Variants in PRR7 observed in about 807,000 individuals in gnomAD.
PRR7 encodes proline-rich protein 7.
In PRR7, 8 loss-of-function variants were observed where a neutral mutation model predicts 18.5. That is an observed-to-expected ratio of 0.43 (90% CI 0.25 to 0.78). The LOEUF (loss-of-function observed/expected upper bound fraction) is 0.78, where lower values mean the gene tolerates loss of function less well. Ranked by LOEUF, PRR7 falls within the 30% of genes least tolerant of loss-of-function variation. PRR7 has a pLI of 0.22. For missense variants in PRR7, 396 were observed against 403.1 expected, an observed-to-expected ratio of 0.98 and a Z score of 0.15; for synonymous variants, 221 against 187.7, an observed-to-expected ratio of 1.18 and a Z score of -1.45.
rs751070358 is a variant in PRR7 at position 177,455,778 on chromosome 5, A to AGCC, written c.492_494dup (p.Pro165dup). ...TACGAAGAGGCGGTGCTGATGGCAG[A>AGCC]GCCGCCGCCGCCCTATAGCGAGGTG... On this transcript the variant is annotated inframe_insertion, in exon 4 of 4. Transcript: ENST00000323249. This position sits in a 1 kb window ranked among gnomAD's most constrained non-coding sequence, Gnocchi z 6.9. The AGCC allele has an allele frequency of 3.1e-6, 5 of 1,610,122 alleles. No individual in the cohort carries two copies. Among genetic ancestry groups the AGCC allele is most frequent in the Admixed American group, 1.7e-5 (1 of 59,928 alleles).
intron 1 of PRR7, among the ~76,000 whole-genome samples, chr5:177,453,692 A>AC (rs1321897424): frequency 6.6e-6 from 1 of 151,234 alleles, no homozygotes. Flanking sequence ...AGGCAGCGCT[A>AC]CCCCCCACCC....
rs774069130 is a variant in PRR7 at position 177,455,315 on chromosome 5, G to A, written c.248G>A (p.Arg83His). Residue 83 changes from arginine to histidine, a missense_variant, in exon 3 of 4, where the codon CGC (arginine) becomes CAC (histidine). Around this residue, in one of 2 missense-constraint regions of PRR7, gnomAD observed 383 missense variants for 372.6 expected, o/e 1.03. Coordinates refer to ENST00000323249, the MANE Select transcript of PRR7 (RefSeq NM_030567.5). The surrounding 1 kb of genome is among the most constrained non-coding windows in gnomAD (Gnocchi z 6.9). ...APPQPPPHRS[R>H]LEAPAHAHSH... ...CCGCAGCCACCACCACACCGTAGCCGCCTGGAGGCGCCGGCTCACGCGCAC... is the reference window on the plus strand; with the variant it reads ...CCGCAGCCACCACCACACCGTAGCCACCTGGAGGCGCCGGCTCACGCGCAC... The A allele has an allele frequency of 6.7e-7, 1 of 1,487,378 alleles. No homozygotes were observed. The highest frequency in any genetic ancestry group is 8.9e-7 in the Non-Finnish European group (1 of 1,127,978). The allele number at this position is 1,487,378 out of a possible 1,614,324, so 92.1% of individuals were successfully genotyped here.
chr5:177,447,940 A>C (rs2630766), intron 1 of PRR7, among the ~76,000 whole-genome samples: 75,980 of 152,126 alleles, frequency 0.5, 19,438 homozygotes, highest in Non-Finnish European at 0.56. Context: ...GCAGGGAGGC[A>C]CGCGCCACAT....
At position 177,455,560 on chromosome 5, in the gene PRR7, G is replaced by GCTGCTTACC; in HGVS notation, c.427+69_427+77dup. Reference sequence around the variant, plus strand: ...GAAGTGGGCGGGCGTTGGAGGGCTCGCTGCTTACCCTCAGGGCTTCCATCC... The same window carrying GCTGCTTACC: ...GAAGTGGGCGGGCGTTGGAGGGCTCGCTGCTTACCCTGCTTACCCTCAGGGCTTCCATCC... On this transcript the variant is annotated intron_variant, in intron 3 of 3. Coordinates refer to ENST00000323249, the MANE Select transcript of PRR7 (RefSeq NM_030567.5). This position sits in a 1 kb window ranked among gnomAD's most constrained non-coding sequence, Gnocchi z 6.9. 1 of 1,425,494 alleles carries GCTGCTTACC rather than the reference G, an allele frequency of 7.0e-7. No individual in the cohort carries two copies. The highest frequency in any genetic ancestry group is 2.3e-4 in the Middle Eastern group (1 of 4,260). The allele number at this position is 1,425,494 out of a possible 1,614,324, so 88.3% of individuals were successfully genotyped here. A position where few individuals can be genotyped will look rare whatever the true frequency, so the allele number is the denominator to read the frequency against.
Position 177,455,370 on chromosome 5 carries a change from G to A in PRR7, c.303G>A (p.Leu101=). Residue 101 remains leucine (L), a synonymous_variant, in exon 3 of 4, where the codon CTG becomes CTA. Transcript: ENST00000323249. The surrounding 1 kb of genome is among the most constrained non-coding windows in gnomAD (Gnocchi z 6.9). ...ATCCGCACGTGCACGTGCACCCGCTGCTGCACCACGGGCCCGCGCAGCCGC... is the reference window on the plus strand; with the variant it reads ...ATCCGCACGTGCACGTGCACCCGCTACTGCACCACGGGCCCGCGCAGCCGC... The part of the protein sequence containing the change: ...HSHPHVHVHP[L]LHHGPAQPHA... The A allele has an allele frequency of 6.7e-7, 1 of 1,498,658 alleles. No individual in the cohort carries two copies. Among genetic ancestry groups the A allele is most frequent in the Non-Finnish European group, 8.8e-7 (1 of 1,131,050 alleles). 92.8% of individuals were successfully genotyped at this position (1,498,658 alleles called of 1,614,324 possible). A position where few individuals can be genotyped will look rare whatever the true frequency, so the allele number is the denominator to read the frequency against.
In PRR7 at chr5:177,449,497, A is replaced by G. The variant is rs1756083306; in HGVS notation, c.-325+2537A>G. 7.6e-6 allele frequency among the ~76,000 whole-genome samples: 1 copy of G among 131,780 alleles called. No homozygotes were observed. The highest frequency in any genetic ancestry group is 7.3e-5 in the Admixed American group (1 of 13,638). 86.5% of individuals were successfully genotyped at this position (131,780 alleles called of 152,430 possible). A position where few individuals can be genotyped will look rare whatever the true frequency, so the allele number is the denominator to read the frequency against. On this transcript the variant is annotated intron_variant, in intron 1 of 3. Coordinates refer to ENST00000323249, the MANE Select transcript of PRR7 (RefSeq NM_030567.5). The surrounding 1 kb of genome is among the most constrained non-coding windows in gnomAD (Gnocchi z 4.2). ...TCAGGCCTACCCCTCGGCACTCTGC[A>G]TGTTACCCAGGCTGCCCCCCACAGG...
At position 177,454,510 on chromosome 5, in the gene PRR7, T is replaced by A. The variant is rs374842188; in HGVS notation, c.-239-319T>A. On this transcript the variant is annotated intron_variant, in intron 2 of 3. Transcript: ENST00000323249. The surrounding 1 kb of genome is among the most constrained non-coding windows in gnomAD (Gnocchi z 4.7). ...GTGCGCACAGGCTCCTGAAACCCTT[T>A]GGCCCCGGGACTGCGGATGGCGAAT... 3.3e-5 allele frequency among the ~76,000 whole-genome samples: 5 copies of A among 152,286 alleles called. No homozygotes were observed. Among genetic ancestry groups the A allele is most frequent in the East Asian group, 3.9e-4 (2 of 5,178 alleles).
Position 177,454,910 on chromosome 5 carries a change from C to A in PRR7, c.-158C>A. ...AGCGGGCGCCGCTGCTGTCCCCCGCCGGCGCGCGCACGACTTGAGACCTGC... is the reference window on the plus strand; with the variant it reads ...AGCGGGCGCCGCTGCTGTCCCCCGCAGGCGCGCGCACGACTTGAGACCTGC... On this transcript the variant is annotated 5_prime_UTR_variant, in exon 3 of 4. Transcript: ENST00000323249. This position sits in a 1 kb window ranked among gnomAD's most constrained non-coding sequence, Gnocchi z 4.7. The A allele has an allele frequency of 9.6e-7, 1 of 1,046,346 alleles. No individual in the cohort carries two copies. Among genetic ancestry groups the A allele is most frequent in the Non-Finnish European group, 1.2e-6 (1 of 821,420 alleles). The allele number at this position is 1,046,346 out of a possible 1,614,324, so 64.8% of individuals were successfully genotyped here.
In PRR7 at chr5:177,449,331, C is replaced by G. The variant is rs1756073101; in HGVS notation, c.-325+2371C>G. ...CTTTCTGCATTTGAGCCTCTTGAGGCTGCAGGGTGATCCCTCATCAGAGGG... is the reference window on the plus strand; with the variant it reads ...CTTTCTGCATTTGAGCCTCTTGAGGGTGCAGGGTGATCCCTCATCAGAGGG... On this transcript the variant is annotated intron_variant, in intron 1 of 3. Coordinates refer to ENST00000323249, the MANE Select transcript of PRR7 (RefSeq NM_030567.5). This position sits in a 1 kb window ranked among gnomAD's most constrained non-coding sequence, Gnocchi z 4.2. 6.6e-6 allele frequency among the ~76,000 whole-genome samples: 1 copy of G among 152,168 alleles called. No individual in the cohort carries two copies.
In PRR7 at chr5:177,455,921, G is replaced by A. The variant is rs764856740; in HGVS notation, c.625G>A (p.Gly209Ser). ...PSYKPLFLDR[G>S]YTSALHLPSA... is the part of the protein sequence containing the mutation. ...CTACAAGCCGCTCTTCCTGGACCGG[G>A]GCTACACCTCGGCGCTGCACCTGCC... The change falls in exon 4 of 4, where the codon GGC becomes AGC. Residue 209 changes from glycine (G) to serine (S), a missense_variant. Around this residue, in one of 2 missense-constraint regions of PRR7, gnomAD observed 383 missense variants for 372.6 expected, o/e 1.03. Coordinates refer to ENST00000323249, the MANE Select transcript of PRR7 (RefSeq NM_030567.5). The surrounding 1 kb of genome is among the most constrained non-coding windows in gnomAD (Gnocchi z 6.9). 6.2e-7 allele frequency: 1 copy of A among 1,607,198 alleles called. No individual in the cohort carries two copies. Among genetic ancestry groups the A allele is most frequent in the Non-Finnish European group, 8.5e-7 (1 of 1,178,814 alleles).
At position 177,455,763 on chromosome 5, in the gene PRR7, C is replaced by T; in HGVS notation, c.467C>T (p.Ala156Val). ...DMSKPPCYEEAVLMAEPPPPY... is the reference protein window; with the variant it reads ...DMSKPPCYEEVVLMAEPPPPY... ...TCCAAACCACCGTGTTACGAAGAGGCGGTGCTGATGGCAGAGCCGCCGCCG... is the reference window on the plus strand; with the variant it reads ...TCCAAACCACCGTGTTACGAAGAGGTGGTGCTGATGGCAGAGCCGCCGCCG... Residue 156 changes from alanine (A) to valine (V), a missense_variant, in exon 4 of 4, where the codon GCG (alanine) becomes GTG (valine). This residue lies in a region of PRR7 where 383 missense variants were observed against 372.6 expected (regional missense o/e 1.03). Coordinates refer to ENST00000323249, the MANE Select transcript of PRR7 (RefSeq NM_030567.5). The surrounding 1 kb of genome is among the most constrained non-coding windows in gnomAD (Gnocchi z 6.9). The T allele has an allele frequency of 6.2e-7, 1 of 1,608,658 alleles. No homozygotes were observed. Among genetic ancestry groups the T allele is most frequent in the South Asian group, 1.1e-5 (1 of 90,668 alleles).
At position 177,449,995 on chromosome 5, in the gene PRR7, C is replaced by T. The variant is rs974039800; in HGVS notation, c.-325+3035C>T. The stretch of plus-strand genomic sequence containing the variant: ...TGGCTCCCTGAAATGCCCTTGCTGC[C>T]GGGACCGAGGACTTTGTCATCACCC... On this transcript the variant is annotated intron_variant, in intron 1 of 3. Coordinates refer to ENST00000323249, the MANE Select transcript of PRR7 (RefSeq NM_030567.5). This position sits in a 1 kb window ranked among gnomAD's most constrained non-coding sequence, Gnocchi z 4.2. Among the ~76,000 whole-genome samples the T allele has an allele frequency of 5.3e-5, 8 of 152,092 alleles. No homozygotes were observed. The highest frequency in any genetic ancestry group is 1.9e-4 in the African/African-American group (8 of 41,400).
rs757808292 is a variant in PRR7, at chr5:177,449,182, A to C, written c.-325+2222A>C. ...GGATTGTGAACATGGATTGTTTTTA[A>C]AACATGTCTGAGAACTGTGTCCAAC... On this transcript the variant is annotated intron_variant, in intron 1 of 3. Transcript: ENST00000323249. This position sits in a 1 kb window ranked among gnomAD's most constrained non-coding sequence, Gnocchi z 4.2. Among the ~76,000 whole-genome samples the C allele has an allele frequency of 3.9e-5, 6 of 152,254 alleles. No individual in the cohort carries two copies. The highest frequency in any genetic ancestry group is 8.8e-5 in the Non-Finnish European group (6 of 68,044).
At position 177,456,276 on chromosome 5, in the gene PRR7, G is replaced by A; in HGVS notation, c.*155G>A. On this transcript the variant is annotated 3_prime_UTR_variant, in exon 4 of 4. Transcript: ENST00000323249. ...GAGGATAATAAAGGTGTGTGATCTG[G>A]TTTGGTACAAGCGGAGGGTGCACCG... The A allele has an allele frequency of 9.5e-7, 1 of 1,048,604 alleles. No homozygotes were observed. Among genetic ancestry groups the A allele is most frequent in the Non-Finnish European group, 1.3e-6 (1 of 771,102 alleles). The allele number at this position is 1,048,604 out of a possible 1,614,324, so 65.0% of individuals were successfully genotyped here.
Position 177,454,066 on chromosome 5 carries a change from C to T in PRR7, c.-240+26C>T, listed in dbSNP as rs957545198. 2.6e-5 allele frequency: 4 copies of T among 152,408 alleles called. No homozygotes were observed. Among genetic ancestry groups the T allele is most frequent in the Non-Finnish European group, 5.9e-5 (4 of 68,164 alleles). 9.4% of individuals were successfully genotyped at this position (152,408 alleles called of 1,614,324 possible). Reference sequence around the variant, plus strand: ...GTGGGTACGAAAGACTAGCTTCCAACCCTCATCTAGTTTTCCTCCCCTCCG... The same window carrying T: ...GTGGGTACGAAAGACTAGCTTCCAATCCTCATCTAGTTTTCCTCCCCTCCG... On this transcript the variant is annotated intron_variant, in intron 2 of 3. Coordinates refer to ENST00000323249, the MANE Select transcript of PRR7 (RefSeq NM_030567.5). This position sits in a 1 kb window ranked among gnomAD's most constrained non-coding sequence, Gnocchi z 4.7.
At position 177,455,563 on chromosome 5, in the gene PRR7, G is replaced by A; in HGVS notation, c.427+69G>A. On this transcript the variant is annotated intron_variant, in intron 3 of 3. Transcript: ENST00000323249. The surrounding 1 kb of genome is among the most constrained non-coding windows in gnomAD (Gnocchi z 6.9). The stretch of plus-strand genomic sequence containing the variant: ...GTGGGCGGGCGTTGGAGGGCTCGCT[G>A]CTTACCCTCAGGGCTTCCATCCGCA... 7.0e-7 allele frequency: 1 copy of A among 1,425,362 alleles called. No individual in the cohort carries two copies. Among genetic ancestry groups the A allele is most frequent in the Non-Finnish European group, 9.1e-7 (1 of 1,098,902 alleles). The allele number at this position is 1,425,362 out of a possible 1,614,324, so 88.3% of individuals were successfully genotyped here. A position where few individuals can be genotyped will look rare whatever the true frequency, so the allele number is the denominator to read the frequency against.
In PRR7 at chr5:177,456,141, G is replaced by GC. The variant is rs1402265035; in HGVS notation, c.*20_*21insC. ...GTATAGAGGGGCGCCCGGCGCCCCGGGCCCCACCGGCGGACTCCTGGCCTG... is the reference window on the plus strand; with the variant it reads ...GTATAGAGGGGCGCCCGGCGCCCCGGCGCCCCACCGGCGGACTCCTGGCCTG... On this transcript the variant is annotated 3_prime_UTR_variant, in exon 4 of 4. Transcript: ENST00000323249. 2.8e-6 allele frequency: 4 copies of GC among 1,421,466 alleles called. No homozygotes were observed. The highest frequency in any genetic ancestry group is 3.7e-6 in the Non-Finnish European group (4 of 1,094,800). 88.1% of individuals were successfully genotyped at this position (1,421,466 alleles called of 1,614,324 possible). A position where few individuals can be genotyped will look rare whatever the true frequency, so the allele number is the denominator to read the frequency against.
In PRR7 at chr5:177,455,012, C is replaced by A; in HGVS notation, c.-56C>A. 1.4e-6 allele frequency: 2 copies of A among 1,394,322 alleles called. No homozygotes were observed. The highest frequency in any genetic ancestry group is 1.9e-6 in the Non-Finnish European group (2 of 1,074,292). The allele number at this position is 1,394,322 out of a possible 1,614,324, so 86.4% of individuals were successfully genotyped here. A position where few individuals can be genotyped will look rare whatever the true frequency, so the allele number is the denominator to read the frequency against. ...AGTGTGGCGCGGGCCCGGGGCCACGCAGCGGAGCCCAGTGTCCAGTGAAGC... is the reference window on the plus strand; with the variant it reads ...AGTGTGGCGCGGGCCCGGGGCCACGAAGCGGAGCCCAGTGTCCAGTGAAGC... On this transcript the variant is annotated 5_prime_UTR_variant, in exon 3 of 4. Transcript: ENST00000323249. The surrounding 1 kb of genome is among the most constrained non-coding windows in gnomAD (Gnocchi z 6.9).
chr5:177,455,678 T>A lies in PRR7; in HGVS notation c.428-46T>A, dbSNP rs1199040834. 6.7e-7 allele frequency: 1 copy of A among 1,502,008 alleles called. No homozygotes were observed. Among genetic ancestry groups the A allele is most frequent in the Admixed American group, 2.1e-5 (1 of 48,450 alleles). 93.0% of individuals were successfully genotyped at this position (1,502,008 alleles called of 1,614,324 possible). A position where few individuals can be genotyped will look rare whatever the true frequency, so the allele number is the denominator to read the frequency against. On this transcript the variant is annotated intron_variant, in intron 3 of 3. Transcript: ENST00000323249. The surrounding 1 kb of genome is among the most constrained non-coding windows in gnomAD (Gnocchi z 6.9). ...CCTGGCCGGGGCCTCTGCGAGAGGC[T>A]GGGAACCGGCGGCCTCACCTCCTCC...
Sources: allele counts gnomAD v4.1 joint callset (sites outside exome capture counted in the v4.1 genomes callset), GRCh38; gene constraint gnomAD v4.1.1; regional missense constraint gnomAD v4.1.1; non-coding constraint Gnocchi (gnomAD v3.1); transcripts MANE v1.5; gene names NCBI Gene and HGNC (gene_info 2026-07-23, HGNC 2026-07-21).